The following VSTM4 variants were observed in gnomAD, a reference collection of about 807,000 sequenced individuals.
VSTM4 encodes V-set and transmembrane domain containing 4.
A neutral mutation model predicts 36.4 loss-of-function variants in VSTM4; 20 were observed. The ratio of observed to expected loss-of-function variants is 0.55; its 90% CI spans 0.39 to 0.80. The LOEUF (loss-of-function observed/expected upper bound fraction) is 0.80. Ranked by LOEUF, VSTM4 falls within the 30% of genes least tolerant of loss-of-function variation. The pLI, the probability that VSTM4 is intolerant of heterozygous loss-of-function variation, is 0.00. For missense variants in VSTM4, 392 were observed against 404.5 expected (o/e 0.97, Z 0.26); for synonymous variants, 182 against 173.9 (o/e 1.05, Z -0.37).
At chr10:49,112,842 T>C (rs74817866) in intron 1 of VSTM4, among the ~76,000 whole-genome samples, 4,544 of 152,352 alleles carry the variant, frequency 0.03, 186 homozygotes, top group South Asian at 0.12. Context: ...AGTTAAGGTG[T>C]CTAACCCCCT....
intron 3 of VSTM4, among the ~76,000 whole-genome samples, chr10:49,082,634 C>T (rs1298725859): frequency 6.6e-6 from 1 of 152,082 alleles, no homozygotes; most frequent in East Asian, 1.9e-4. Flanking sequence ...AAAATCATGC[C>T]ATTGCACTCC....
chr10:49,087,936 A>G (rs1350695079), intron 2 of VSTM4, among the ~76,000 whole-genome samples: 3 of 123,854 alleles, frequency 2.4e-5, no homozygotes, highest in Non-Finnish European at 4.9e-5. Context: ...TGTAATATAT[A>G]TGTATATATA....
chr10:49,087,712 A>G (rs568273674), intron 2 of VSTM4, among the ~76,000 whole-genome samples: 3 of 151,936 alleles, frequency 2.0e-5, no homozygotes, highest in Non-Finnish European at 4.4e-5. Flanking sequence ...TCCTAAACAT[A>G]CTGGTTGTCA....
chr10:49,091,521 C>T (rs1844473961), intron 2 of VSTM4, among the ~76,000 whole-genome samples: 1 of 152,218 alleles, frequency 6.6e-6, no homozygotes, highest in Admixed American at 6.5e-5. Context: ...TTGATGGGAC[C>T]TGGGGGGAAA....
At chr10:49,102,742 C>A in intron 2 of VSTM4, 1 of 985,456 alleles carries the variant, frequency 1.0e-6, no homozygotes, top group Non-Finnish European at 1.2e-6. Flanking sequence ...GCAACAGTTG[C>A]TAATGACACT....
chr10:49,025,488 C>T (rs753571035), intron 7 of VSTM4, among the ~76,000 whole-genome samples: 5 of 152,170 alleles, frequency 3.3e-5, no homozygotes, highest in Non-Finnish European at 7.3e-5. Flanking sequence ...TGGCACCCTG[C>T]CCCCACACAC....
chr10:49,048,578 C>T lies in VSTM4; in HGVS notation c.675G>A (p.Gly225=), dbSNP rs761040912. The change falls in exon 6 of 8, where the codon GGG becomes GGA. Residue 225 remains glycine, a synonymous_variant. Coordinates refer to ENST00000332853, the MANE Select transcript of VSTM4 (RefSeq NM_001031746.5). ...AGCTGGTCACGCTAGTGACAGTCTC[C>T]CCTGAGCTGTAGAAGAAAAAGTTTC... The part of the protein sequence containing the change: ...YLVKCPQNSS[G]ETVTSVTSLA... 6.3e-7 allele frequency: 1 copy of T among 1,581,010 alleles called. No individual in the cohort carries two copies. Among genetic ancestry groups the T allele is most frequent in the South Asian group, 1.2e-5 (1 of 84,212 alleles).
At chr10:49,056,632 C>T (rs1843784411) in intron 5 of VSTM4, among the ~76,000 whole-genome samples, 1 of 152,240 alleles carries the variant, frequency 6.6e-6, no homozygotes, top group Non-Finnish European at 1.5e-5. Context: ...ACCACCTAGA[C>T]ACAGCACTTC....
chr10:49,060,755 A>G (rs1289427033), intron 5 of VSTM4, among the ~76,000 whole-genome samples: 1 of 152,224 alleles, frequency 6.6e-6, no homozygotes, highest in Non-Finnish European at 1.5e-5. Flanking sequence ...CCAAGGTCAC[A>G]AAGATTTTCT....
chr10:49,055,594 C>G (rs1344431489), intron 5 of VSTM4, among the ~76,000 whole-genome samples: 2 of 152,228 alleles, frequency 1.3e-5, no homozygotes, highest in Non-Finnish European at 2.9e-5. Context: ...AGAACTCATG[C>G]AAACAGGGGG....
At chr10:49,072,790 C>T (rs1590107111) in intron 4 of VSTM4, among the ~76,000 whole-genome samples, 1 of 152,332 alleles carries the variant, frequency 6.6e-6, no homozygotes, top group East Asian at 1.9e-4. Flanking sequence ...CTGAGAGTGG[C>T]ACTACCTTGG....
At chr10:49,031,492 T>C (rs554744447) in intron 7 of VSTM4, among the ~76,000 whole-genome samples, 9 of 152,238 alleles carry the variant, frequency 5.9e-5, no homozygotes, top group Non-Finnish European at 1.0e-4. Flanking sequence ...CAAGTATTGT[T>C]TAAACAGTCC....
intron 2 of VSTM4, among the ~76,000 whole-genome samples, chr10:49,086,538 A>C (rs1844373408): frequency 6.6e-6 from 1 of 152,216 alleles, no homozygotes; most frequent in South Asian, 2.1e-4. Flanking sequence ...TAGATCACTG[A>C]ATTCATTTTG....
chr10:49,063,325 A>C (rs975385395), intron 5 of VSTM4, among the ~76,000 whole-genome samples: 6 of 152,180 alleles, frequency 3.9e-5, no homozygotes, highest in Non-Finnish European at 7.3e-5. Context: ...ACAAGAGTGA[A>C]ACTCCATCTC....
rs148046270 is a variant in VSTM4, at chr10:49,037,349, C to T, written c.837+9634G>A. Among the ~76,000 whole-genome samples the T allele has an allele frequency of 1.7e-3, 259 of 152,340 alleles. 1 individual carries two copies. Among genetic ancestry groups the T allele is most frequent in the African/African-American group, 5.7e-3 (239 of 41,574 alleles). Reference sequence around the variant, plus strand: ...TATTCATCTGGGACCTCGTTAATTGCAGGTTCCACTTCAGTAGGTCTGAGT... The same window carrying T: ...TATTCATCTGGGACCTCGTTAATTGTAGGTTCCACTTCAGTAGGTCTGAGT... On this transcript the variant is annotated intron_variant, in intron 7 of 7. Coordinates refer to ENST00000332853, the MANE Select transcript of VSTM4 (RefSeq NM_001031746.5).
chr10:49,052,654 G>A (rs1843716498), intron 5 of VSTM4, among the ~76,000 whole-genome samples: 1 of 151,590 alleles, frequency 6.6e-6, no homozygotes, highest in Non-Finnish European at 1.5e-5. Context: ...TTCTTCTTTT[G>A]CCTCAAAACT....
chr10:49,108,857 C>T (rs1217308381), intron 1 of VSTM4, among the ~76,000 whole-genome samples: 1 of 152,146 alleles, frequency 6.6e-6, no homozygotes, highest in African/African-American at 2.4e-5. Flanking sequence ...GCGCCCACTC[C>T]ACCACCCAGA....
intron 5 of VSTM4, among the ~76,000 whole-genome samples, chr10:49,049,604 T>C (rs1229400913): frequency 6.6e-6 from 1 of 152,070 alleles, no homozygotes; most frequent in East Asian, 1.9e-4. Flanking sequence ...ATACAGAATT[T>C]CTAGAAATCC....
chr10:49,104,598 G>A (rs1844730304), intron 2 of VSTM4, among the ~76,000 whole-genome samples: 1 of 152,138 alleles, frequency 6.6e-6, no homozygotes, highest in South Asian at 2.1e-4. Flanking sequence ...AGAAGATATG[G>A]TCATTGCTTC....
Sources: gnomAD v4.1 joint callset for allele counts (sites outside exome capture counted in the v4.1 genomes callset) on GRCh38, gnomAD v4.1.1 for gene constraint, MANE v1.5 for transcripts, NCBI Gene and HGNC (gene_info 2026-07-23, HGNC 2026-07-21) for gene names.